Variants in CDH22 observed in about 807,000 individuals in gnomAD.
CDH22 encodes the protein cadherin-22.
Under a neutral mutation model 58.4 loss-of-function variants are expected in CDH22, and 30 were observed. The ratio of observed to expected loss-of-function variants is 0.51; its 90% CI spans 0.38 to 0.70. The LOEUF is 0.70. Ranked by LOEUF, CDH22 falls within the 30% of genes least tolerant of loss-of-function variation. The probability of loss-of-function intolerance (pLI) is 0.00; values close to 1 mark genes in which losing one functional copy is unlikely to be tolerated. For synonymous variants in CDH22, 513 were observed against 558.2 expected, an observed-to-expected ratio of 0.92 and a Z score of 1.14; for missense variants, 1,014 against 1,233.9, an observed-to-expected ratio of 0.82 and a Z score of 2.67.
chr20:46,241,088 C>T lies in CDH22; in HGVS notation c.425G>A (p.Arg142His), dbSNP rs773146258. 8.7e-6 allele frequency: 14 copies of T among 1,614,064 alleles called. No individual in the cohort carries two copies. The highest frequency in any genetic ancestry group is 5.3e-5 in the African/African-American group (4 of 74,918). Reference sequence around the variant, plus strand: ...GGGCTCCAGTAGGCGGTTGGTGGCGCGATCCCGAGCCTGGGCCCGCAGCGT... The same window carrying T: ...GGGCTCCAGTAGGCGGTTGGTGGCGTGATCCCGAGCCTGGGCCCGCAGCGT... ...FYTLRAQARD[R>H]ATNRLLEPES... Residue 142 changes from arginine (R) to histidine (H), a missense_variant, in exon 3 of 12, where the codon CGC becomes CAC. By Grantham distance (29) the Arg-to-His change is conservative (BLOSUM62 0). Coordinates refer to ENST00000537909, the MANE Select transcript of CDH22 (RefSeq NM_021248.3). The surrounding 1 kb of genome is among the most constrained non-coding windows in gnomAD (Gnocchi z 5.2).
chr20:46,280,481 T>C (rs1178303751), intron 1 of CDH22, among the ~76,000 whole-genome samples: 1 of 152,092 alleles, frequency 6.6e-6, no homozygotes, highest in East Asian at 1.9e-4. Flanking sequence ...ATTAGGATAA[T>C]GATGGTGGGG....
At chr20:46,203,847 A>G (rs1215685188) in intron 7 of CDH22, among the ~76,000 whole-genome samples, 1 of 152,174 alleles carries the variant, frequency 6.6e-6, no homozygotes, top group Non-Finnish European at 1.5e-5. Context: ...TAAATTTTGC[A>G]GTCCTACTTC....
chr20:46,205,089 G>A (rs768310787), intron 7 of CDH22, among the ~76,000 whole-genome samples: 113 of 151,962 alleles, frequency 7.4e-4, no homozygotes, highest in Non-Finnish European at 1.3e-3. Context: ...CCAACCAAGG[G>A]ATTCCTTTCT....
At chr20:46,243,185 C>T (rs919464802) in intron 2 of CDH22, among the ~76,000 whole-genome samples, 4 of 152,188 alleles carry the variant, frequency 2.6e-5, no homozygotes, top group African/African-American at 4.8e-5. Context: ...GAAGTCATCA[C>T]GAAGAGGGAC....
At position 46,268,067 on chromosome 20, in the gene CDH22, G is replaced by T. The variant is rs147076916; in HGVS notation, c.-399-16374C>A. 1.5e-4 allele frequency among the ~76,000 whole-genome samples: 23 copies of T among 152,380 alleles called. No individual in the cohort carries two copies. The East Asian group carries it at 3.7e-3, about 24-fold the overall frequency. On this transcript the variant is annotated intron_variant, in intron 1 of 11. Coordinates refer to ENST00000537909, the MANE Select transcript of CDH22 (RefSeq NM_021248.3). ...ATGTATCTACCAGATATTGGACATG[G>T]GTTTCTGTCCCCTCACCCGCCTAAA... is the stretch of plus-strand genomic sequence containing the variant.
At chr20:46,287,113 TAG>T (rs1280900814) in intron 1 of CDH22, among the ~76,000 whole-genome samples, 1 of 152,084 alleles carries the variant, frequency 6.6e-6, no homozygotes, top group Non-Finnish European at 1.5e-5. Flanking sequence ...AGACAGACGT[TAG>T]GTCTGTGTCA....
In CDH22 at chr20:46,212,586, T is replaced by C. The variant is rs144639708; in HGVS notation, c.1032+409A>G. On this transcript the variant is annotated intron_variant, in intron 6 of 11. Coordinates refer to ENST00000537909, the MANE Select transcript of CDH22 (RefSeq NM_021248.3). ...ACCATGTGCCTTACAGGTGTGACCT[T>C]GGGTAAGCCCCTTTACCTCTCTCAG... 3.6e-3 allele frequency among the ~76,000 whole-genome samples: 545 copies of C among 152,314 alleles called. 5 individuals carry two copies. The highest frequency in any genetic ancestry group is 0.013 in the African/African-American group (525 of 41,566).
intron 10 of CDH22, among the ~76,000 whole-genome samples, chr20:46,185,130 T>TACACACACACACAC (rs11467388): frequency 6.7e-6 from 1 of 148,656 alleles, no homozygotes; most frequent in East Asian, 2.0e-4. Context: ...CCCACACGCA[T>TACACACACACACAC]ACACACACAC....
chr20:46,289,127 C>A (rs1041276871), intron 1 of CDH22, among the ~76,000 whole-genome samples: 1 of 152,184 alleles, frequency 6.6e-6, no homozygotes, highest in Admixed American at 6.5e-5. Flanking sequence ...CAGGTATGAT[C>A]CCACCTTTGG....
At chr20:46,253,517 C>T (rs907490725) in intron 1 of CDH22, among the ~76,000 whole-genome samples, 7 of 152,272 alleles carry the variant, frequency 4.6e-5, no homozygotes, top group African/African-American at 1.7e-4. Context: ...GTGAACATAC[C>T]CTGCCTGGTA....
chr20:46,181,689 TTTC>T (rs2085785393), intron 10 of CDH22, among the ~76,000 whole-genome samples: 1 of 142,640 alleles, frequency 7.0e-6, no homozygotes, highest in East Asian at 2.1e-4. Flanking sequence ...CCTTTCCCTC[TTTC>T]TTTTCTTTTC....
chr20:46,213,255 G>A, intron 5 of CDH22, 67 bp from the exon 6 acceptor site: 1 of 1,283,720 alleles, frequency 7.8e-7, no homozygotes, highest in Non-Finnish European at 1.1e-6. Context: ...CAGCAGTGGG[G>A]GAGGGGACAA....
chr20:46,245,535 A>C (rs1400832451), intron 2 of CDH22, among the ~76,000 whole-genome samples: 1 of 152,066 alleles, frequency 6.6e-6, no homozygotes, highest in African/African-American at 2.4e-5. Context: ...GGAAAGTTGA[A>C]TATGTGTGTG....
rs186296139 is a variant in CDH22 at position 46,239,228 on chromosome 20, A to G, written c.550+1735T>C. Among the ~76,000 whole-genome samples the G allele has an allele frequency of 8.4e-4, 128 of 152,342 alleles. 1 individual carries two copies. The highest frequency in any genetic ancestry group is 3.0e-3 in the African/African-American group (124 of 41,574). ...GGGCCTAGCATGTAGTATGCACTCA[A>G]TAAATATTTGTTGAATGAATGAATA... On this transcript the variant is annotated intron_variant, in intron 3 of 11. Coordinates refer to ENST00000537909, the MANE Select transcript of CDH22 (RefSeq NM_021248.3).
chr20:46,247,674 A>G (rs985155146), intron 2 of CDH22, among the ~76,000 whole-genome samples: 18 of 152,150 alleles, frequency 1.2e-4, no homozygotes, highest in African/African-American at 4.1e-4. Flanking sequence ...GGACAACTGT[A>G]ATGTGCCCAA....
At chr20:46,289,180 C>T (rs2079637587) in intron 1 of CDH22, among the ~76,000 whole-genome samples, 1 of 152,154 alleles carries the variant, frequency 6.6e-6, no homozygotes, top group Non-Finnish European at 1.5e-5. Flanking sequence ...CACCCTCGCC[C>T]CTGATGTCTG....
At chr20:46,211,012 C>T (rs111658343) in intron 6 of CDH22, among the ~76,000 whole-genome samples, 13 of 152,304 alleles carry the variant, frequency 8.5e-5, no homozygotes, top group East Asian at 7.7e-4. Context: ...CCCAAGTCAC[C>T]GGGCAGTGAG....
At chr20:46,274,239 G>A (rs2086506362) in intron 1 of CDH22, among the ~76,000 whole-genome samples, 1 of 152,132 alleles carries the variant, frequency 6.6e-6, no homozygotes, top group Non-Finnish European at 1.5e-5. Flanking sequence ...AGCATGGAGG[G>A]AGGGGTAGGG....
At chr20:46,253,188 G>T (rs1214338719) in intron 1 of CDH22, among the ~76,000 whole-genome samples, 2 of 152,238 alleles carry the variant, frequency 1.3e-5, no homozygotes, top group Non-Finnish European at 2.9e-5. Flanking sequence ...AGTGGGCAAT[G>T]CCCTTCCCTT....
Sources: gnomAD v4.1 joint callset for allele counts (sites outside exome capture counted in the v4.1 genomes callset) on GRCh38, gnomAD v4.1.1 for gene constraint, Gnocchi (gnomAD v3.1) non-coding constraint, MANE v1.5 for transcripts, NCBI Gene and HGNC (gene_info 2026-07-23, HGNC 2026-07-21) for gene names.